C5: variants seen among roughly 807,000 people sequenced by gnomAD.
C5 encodes C3 and PZP-like alpha-2-macroglobulin domain-containing protein 4.
Under a neutral mutation model 218.8 loss-of-function variants are expected in C5, and 140 were observed. The ratio of observed to expected loss-of-function variants is 0.64; its 90% CI spans 0.56 to 0.74. The LOEUF (loss-of-function observed/expected upper bound fraction) is 0.74, where lower values mean the gene tolerates loss of function less well. C5 is among the 30% of genes least tolerant of loss of function. The pLI is 0.00. For synonymous variants in C5, 614 were observed against 682.3 expected (o/e 0.90, Z 1.56); for missense variants, 1,700 against 1,969.6 (o/e 0.86, Z 2.59).
At position 120,961,527 on chromosome 9, in the gene C5, T is replaced by G; in HGVS notation, c.4543A>C (p.Lys1515Gln). ...GCTCCTTCACAGACTTTCTGAATTT[T>G]GATATTGGAAGTGCTATAAAACATG... is the stretch of plus-strand genomic sequence containing the variant. Reference protein sequence around the residue: ...CTMFYSTSNIKIQKVCEGAAC... With the variant: ...CTMFYSTSNIQIQKVCEGAAC... Residue 1515 changes from lysine to glutamine, a missense_variant, in exon 37 of 41, where the codon AAA (lysine) becomes CAA (glutamine). Coordinates refer to ENST00000223642, the MANE Select transcript of C5 (RefSeq NM_001735.3). The G allele has an allele frequency of 6.2e-7, 1 of 1,613,352 alleles. No individual in the cohort carries two copies. Among genetic ancestry groups the G allele is most frequent in the Non-Finnish European group, 8.5e-7 (1 of 1,179,302 alleles).
rs1032063037 is a variant in C5 at position 120,962,723 on chromosome 9, T to C, written c.4452A>G (p.Glu1484=). 1 of 1,614,076 alleles carries C rather than the reference T, an allele frequency of 6.2e-7. No individual in the cohort carries two copies. The highest frequency in any genetic ancestry group is 8.5e-7 in the Non-Finnish European group (1 of 1,179,976). The change falls in exon 36 of 41, where the codon GAA becomes GAG. Residue 1484 remains glutamate (E), a synonymous_variant. Transcript: ENST00000223642. Reference sequence around the variant, plus strand: ...AAGTGGCAGGACTGAGAAACCCAACTTCAAAGAGTTCAAATATCCGGAATC... The same window carrying C: ...AAGTGGCAGGACTGAGAAACCCAACCTCAAAGAGTTCAAATATCCGGAATC... ...CVRFRIFELF[E]VGFLSPATFT...
intron 6 of C5, among the ~76,000 whole-genome samples, chr9:121,031,787 T>C (rs2047476689): frequency 1.3e-5 from 2 of 152,118 alleles, no homozygotes; most frequent in Non-Finnish European, 2.9e-5. Flanking sequence ...TTTAATTGGC[T>C]GGGTGCGGTG....
chr9:121,032,316 G>C, intron 5 of C5, 121 bp from the exon 6 acceptor site: 1 of 611,282 alleles, frequency 1.6e-6, no homozygotes, highest in Non-Finnish European at 2.9e-6. Context: ...TAAAACCTAA[G>C]TAATATATTT....
chr9:121,004,732 C>G (rs1335481609), intron 20 of C5, among the ~76,000 whole-genome samples: 1 of 151,748 alleles, frequency 6.6e-6, no homozygotes, highest in Non-Finnish European at 1.5e-5. Context: ...GAGATCGCAC[C>G]ACTGCACTCC....
chr9:120,997,730 T>C lies in C5; in HGVS notation c.2607A>G (p.Glu869=). ...MSAVEGICTS[E]SPVIDHQGTK... ...TGCCCTGATGATCAATGACTGGGCT[T>C]TCCGAAGTGCAGATTCCCTCCACAG... Residue 869 remains glutamate, a synonymous_variant, in exon 21 of 41, where the codon GAA becomes GAG. Transcript: ENST00000223642. 1 of 1,614,162 alleles carries C rather than the reference T, an allele frequency of 6.2e-7. No individual in the cohort carries two copies. Among genetic ancestry groups the C allele is most frequent in the Non-Finnish European group, 8.5e-7 (1 of 1,180,024 alleles).
chr9:120,962,830 TC>T (rs2046837109), intron 35 of C5, 54 bp from the exon 36 acceptor site: 1 of 1,600,540 alleles, frequency 6.2e-7, no homozygotes, highest in African/African-American at 1.3e-5. Context: ...ATATTTATAA[TC>T]TTTTAGCCTG....
rs1163429139 is a variant in C5, at chr9:120,997,787, T to G, written c.2563-13A>C. 6.2e-7 allele frequency: 1 copy of G among 1,602,974 alleles called. No homozygotes were observed. The highest frequency in any genetic ancestry group is 1.7e-5 in the Admixed American group (1 of 59,376). ...TTTTAACACAGAACTGAAATACAAG[T>G]GAAGAATTATATCAAAATACATTTT... On this transcript the variant is annotated splice_polypyrimidine_tract_variant and intron_variant, in intron 20 of 40. Coordinates refer to ENST00000223642, the MANE Select transcript of C5 (RefSeq NM_001735.3).
chr9:121,023,607 G>C lies in C5; in HGVS notation c.1001-88C>G. ...CATTTCATCTCTATATGTCTCCACAGACTTATTCATTCACTCACTCCATTC... is the reference window on the plus strand; with the variant it reads ...CATTTCATCTCTATATGTCTCCACACACTTATTCATTCACTCACTCCATTC... On this transcript the variant is annotated intron_variant, in intron 9 of 40. Coordinates refer to ENST00000223642, the MANE Select transcript of C5 (RefSeq NM_001735.3). The C allele has an allele frequency of 3.8e-6, 3 of 793,614 alleles. No individual in the cohort carries two copies. The South Asian group carries it at 4.1e-5, about 11-fold the overall frequency. The allele number at this position is 793,614 out of a possible 1,614,324, so 49.2% of individuals were successfully genotyped here. A position where few individuals can be genotyped will look rare whatever the true frequency, so the allele number is the denominator to read the frequency against.
chr9:121,068,680 G>A, the C5 span, among the ~76,000 whole-genome samples: 1 of 151,970 alleles, frequency 6.6e-6, no homozygotes, highest in Non-Finnish European at 1.5e-5. Context: ...AAGCAATCCC[G>A]AACAAAAAGA....
rs1431020300 is a variant in C5, at chr9:121,008,487, G to A, written c.2269C>T (p.Leu757=). The change falls in exon 18 of 41, where the codon CTG becomes TTG. Residue 757 remains leucine (L), a synonymous_variant. Coordinates refer to ENST00000223642, the MANE Select transcript of C5 (RefSeq NM_001735.3). ...MQLGRLHMKT[L]LPVSKPEIRS... ...ATTTCTGGCTTGCTTACTGGTAACA[G>A]GGTCTTCATGTCTGGACAAAAAAAT... 4 of 1,612,128 alleles carry A rather than the reference G, an allele frequency of 2.5e-6. No homozygotes were observed. Among genetic ancestry groups the A allele is most frequent in the East Asian group, 2.2e-5 (1 of 44,828 alleles).
the C5 span, among the ~76,000 whole-genome samples, chr9:121,069,373 A>C: frequency 6.6e-6 from 1 of 152,220 alleles, no homozygotes; most frequent in Non-Finnish European, 1.5e-5. Flanking sequence ...AATGACCAAC[A>C]AATATATGAA....
At chr9:121,010,258 A>G (rs2047250924) in intron 17 of C5, among the ~76,000 whole-genome samples, 1 of 152,254 alleles carries the variant, frequency 6.6e-6, no homozygotes, top group African/African-American at 2.4e-5. Flanking sequence ...CCAAAAAACT[A>G]TTAGAACTGC....
rs1012286720 is a variant in C5 at position 120,980,117 on chromosome 9, A to G, written c.3624T>C (p.Ile1208=). 2 of 1,614,166 alleles carry G rather than the reference A, an allele frequency of 1.2e-6. No individual in the cohort carries two copies. The highest frequency in any genetic ancestry group is 1.7e-6 in the Non-Finnish European group (2 of 1,180,034). ...GDKTHPQFRS[I]VSALKREALV... is the part of the protein sequence containing the mutation. Reference sequence around the variant, plus strand: ...AAGCTTCTCTCTTCAAAGCTGAAACAATTGAACGAAACTGTGGGTGAGTTT... The same window carrying G: ...AAGCTTCTCTCTTCAAAGCTGAAACGATTGAACGAAACTGTGGGTGAGTTT... The change falls in exon 28 of 41, where the codon ATT becomes ATC. Residue 1208 remains isoleucine (I), a synonymous_variant. Coordinates refer to ENST00000223642, the MANE Select transcript of C5 (RefSeq NM_001735.3).
chr9:120,979,017 A>G (rs1309970019), intron 28 of C5, among the ~76,000 whole-genome samples: 1 of 152,198 alleles, frequency 6.6e-6, no homozygotes, highest in Non-Finnish European at 1.5e-5. Flanking sequence ...TTGATTGCTT[A>G]GGTACTTTGT....
the C5 span, among the ~76,000 whole-genome samples, chr9:121,057,157 TAGAC>T: frequency 6.6e-6 from 1 of 152,166 alleles, no homozygotes; most frequent in South Asian, 2.1e-4. Context: ...GAGAAACACT[TAGAC>T]AAACAAAAGC....
chr9:121,053,550 C>G (rs369194437), upstream of C5, among the ~76,000 whole-genome samples: 7 of 152,166 alleles, frequency 4.6e-5, no homozygotes, highest in African/African-American at 1.7e-4. Flanking sequence ...AAGACAGCAC[C>G]TTCATAAAAG....
At chr9:121,050,701 G>C (rs1033033865), upstream of C5, among the ~76,000 whole-genome samples, 1 of 152,166 alleles carries the variant, frequency 6.6e-6, no homozygotes, top group African/African-American at 2.4e-5. Context: ...TTTAGACAGG[G>C]CTCACAAGAT....
chr9:121,004,464 T>C (rs575412312), intron 20 of C5, among the ~76,000 whole-genome samples: 59 of 152,234 alleles, frequency 3.9e-4, no homozygotes, highest in African/African-American at 1.4e-3. Flanking sequence ...AGGAATGATA[T>C]GTAATCTGTT....
At chr9:121,070,884 A>G in the C5 span, among the ~76,000 whole-genome samples, 1 of 152,208 alleles carries the variant, frequency 6.6e-6, no homozygotes, top group Admixed American at 6.5e-5. Flanking sequence ...GAGGGTATGA[A>G]ATCTTCCTAA....
Sources: allele counts gnomAD v4.1 joint callset (sites outside exome capture counted in the v4.1 genomes callset), GRCh38; gene constraint gnomAD v4.1.1; transcripts MANE v1.5; gene names NCBI Gene and HGNC (gene_info 2026-07-23, HGNC 2026-07-21).